ARAP2: variants seen among roughly 807,000 people sequenced by gnomAD.
ARAP2 encodes ArfGAP with RhoGAP domain, ankyrin repeat and PH domain 2, also known as arf-GAP with Rho-GAP domain, ANK repeat and PH domain-containing protein 2.
Under a neutral mutation model 194.5 loss-of-function variants are expected in ARAP2, and 148 were observed. That is an observed-to-expected ratio of 0.76 (90% CI 0.67 to 0.87). ARAP2 has a LOEUF of 0.87. ARAP2 is among the 40% of genes least tolerant of loss of function. ARAP2 has a pLI of 0.00. For missense variants in ARAP2, 2,128 were observed against 1,989.7 expected, an observed-to-expected ratio of 1.07 and a Z score of -1.32; for synonymous variants, 695 against 683.5, an observed-to-expected ratio of 1.02 and a Z score of -0.26.
chr4:36,160,096 CCTT>C, intron 13 of ARAP2: 1 of 994,070 alleles, frequency 1.0e-6, no homozygotes, highest in Non-Finnish European at 1.2e-6. Flanking sequence ...CTGTTAGAAT[CCTT>C]TTTTTTTCTT....
chr4:36,110,600 T>C (rs1239737423), intron 26 of ARAP2, among the ~76,000 whole-genome samples: 3 of 151,910 alleles, frequency 2.0e-5, no homozygotes, highest in Admixed American at 1.3e-4. Flanking sequence ...CTGGCTCTTA[T>C]GGAAGAGAAT....
rs558904812 is a variant in ARAP2, at chr4:36,179,004, G to T, written c.1679-999C>A. Among the ~76,000 whole-genome samples the T allele has an allele frequency of 3.9e-5, 6 of 152,212 alleles. No individual in the cohort carries two copies. In the South Asian group the frequency reaches 1.2e-3, roughly 32 times the overall value. On this transcript the variant is annotated intron_variant, in intron 8 of 32. Coordinates refer to ENST00000303965, the MANE Select transcript of ARAP2 (RefSeq NM_015230.4). ...GCAGAAAAACCAACATCCATTCAGG[G>T]ATTAATTTATCAATGAATACATTTA... is the stretch of plus-strand genomic sequence containing the variant.
In ARAP2 at chr4:36,148,409, G is replaced by A. The variant is rs1204638356; in HGVS notation, c.2996C>T (p.Ala999Val). ...AGTAACATAATATTTAAATACCTTG[G>A]CTATTGCCTCTGTCCATTTTCTTTG... ...QAQRKWTEAI[A>V]KHFVPLFAEN... is the part of the protein sequence containing the mutation. Residue 999 changes from alanine (A) to valine (V), a missense_variant, in exon 17 of 33, where the codon GCC becomes GTC. Ala to Val is a moderately conservative substitution (Grantham distance 64, BLOSUM62 0). Coordinates refer to ENST00000303965, the MANE Select transcript of ARAP2 (RefSeq NM_015230.4). The A allele has an allele frequency of 8.1e-6, 13 of 1,610,332 alleles. No homozygotes were observed. Among genetic ancestry groups the A allele is most frequent in the Non-Finnish European group, 1.0e-5 (12 of 1,177,352 alleles).
chr4:36,006,028 C>T (rs1304973931), intron 10 of ARAP2: 1 of 152,164 alleles, frequency 6.6e-6, no homozygotes, highest in East Asian at 1.9e-4. Flanking sequence ...TAGAGTGTGC[C>T]AGGGAGTTTG....
intron 5 of ARAP2, among the ~76,000 whole-genome samples, chr4:36,029,557 A>C (rs1204982084): frequency 4.6e-5 from 7 of 152,046 alleles, no homozygotes; most frequent in African/African-American, 1.7e-4. Context: ...GTTGGAAGGC[A>C]ATGTAAAATG....
chr4:36,190,817 T>C (rs1741708874), intron 7 of ARAP2, among the ~76,000 whole-genome samples: 1 of 152,168 alleles, frequency 6.6e-6, no homozygotes, highest in South Asian at 2.1e-4. Flanking sequence ...AAAGACATGC[T>C]CCAGTTTCCC....
intron 22 of ARAP2, among the ~76,000 whole-genome samples, chr4:36,123,770 C>G (rs1723236269): frequency 6.6e-6 from 1 of 151,828 alleles, no homozygotes; most frequent in Non-Finnish European, 1.5e-5. Context: ...TTTTGCATGA[C>G]CTACAAAGCC....
rs150997923 is a variant in ARAP2 at position 36,232,662 on chromosome 4, T to C, written c.-159-3017A>G. 3.0e-4 allele frequency among the ~76,000 whole-genome samples: 46 copies of C among 152,352 alleles called. 1 individual carries two copies. Among genetic ancestry groups the C allele is most frequent in the Admixed American group, 9.8e-4 (15 of 15,306 alleles). ...TTTGCATACACTCTATCTGCTTTCT[T>C]AAGCACCATTCAAAATTATAAACAG... is the stretch of plus-strand genomic sequence containing the variant. On this transcript the variant is annotated intron_variant, in intron 1 of 32. Transcript: ENST00000303965.
chr4:36,057,330 C>T (rs1723687415), intron 2 of ARAP2, among the ~76,000 whole-genome samples: 2 of 150,964 alleles, frequency 1.3e-5, no homozygotes, highest in South Asian at 4.2e-4. Flanking sequence ...TGTTTTATTA[C>T]AATGTAATTT....
chr4:36,020,307 A>C (rs1716687613), intron 5 of ARAP2, among the ~76,000 whole-genome samples: 1 of 152,202 alleles, frequency 6.6e-6, no homozygotes. Context: ...GCTACTCAGG[A>C]GGCTGAGGCA....
intron 5 of ARAP2, among the ~76,000 whole-genome samples, chr4:36,033,968 C>A (rs1009051371): frequency 6.6e-5 from 10 of 151,842 alleles, no homozygotes; most frequent in Non-Finnish European, 1.3e-4. Flanking sequence ...AGGTGTTCAG[C>A]CTATTTCTGG....
intron 7 of ARAP2, among the ~76,000 whole-genome samples, chr4:36,191,814 T>C (rs950958532): frequency 5.3e-5 from 8 of 151,884 alleles, no homozygotes; most frequent in African/African-American, 1.9e-4. Flanking sequence ...TGGGTGAAAA[T>C]GGGGGTGAGT....
intron 8 of ARAP2, among the ~76,000 whole-genome samples, chr4:36,180,727 A>G (rs1739039588): frequency 6.6e-6 from 1 of 152,232 alleles, no homozygotes; most frequent in Non-Finnish European, 1.5e-5. Context: ...TTACTTTAAA[A>G]CTGGCAATTG....
intron 25 of ARAP2, 143 bp from the exon 26 acceptor site, chr4:36,114,430 T>G: frequency 1.7e-6 from 1 of 578,878 alleles, no homozygotes; most frequent in South Asian, 2.3e-5. Flanking sequence ...CCTAATCCCA[T>G]ACAGAAAACA....
intron 14 of ARAP2, 81 bp from the exon 15 acceptor site, chr4:36,158,945 T>C (rs1733261122): frequency 7.9e-7 from 1 of 1,269,694 alleles, no homozygotes; most frequent in Non-Finnish European, 1.1e-6. Context: ...TACATGAGTT[T>C]TGAGCTAGAA....
rs1167526752 is a variant in ARAP2 at position 36,177,967 on chromosome 4, G to A, written c.1717C>T (p.Leu573=). 4.3e-6 allele frequency: 7 copies of A among 1,612,284 alleles called. No individual in the cohort carries two copies. Among genetic ancestry groups the A allele is most frequent in the Non-Finnish European group, 5.9e-6 (7 of 1,179,276 alleles). Residue 573 remains leucine, a synonymous_variant, in exon 9 of 33, where the codon CTG becomes TTG. Transcript: ENST00000303965. ...NDWISILLNA[L]KSQSLTSQSQ... The stretch of plus-strand genomic sequence containing the variant: ...TGCGAGGTAAGGGATTGTGATTTCA[G>A]TGCATTTAATAGTATGCTGATCCAG...
chr4:36,043,848 G>GAAGGCAAGGGAACGGAAGGGA, intron 5 of ARAP2, among the ~76,000 whole-genome samples: 4 of 52,608 alleles, frequency 7.6e-5, no homozygotes, highest in African/African-American at 1.3e-4. Context: ...GGGGAGGGGG[G>GAAGGCAAGGGAACGGAAGGGA]AGGGGAGGGG....
At chr4:36,200,614 A>G (rs1365353615) in intron 6 of ARAP2, among the ~76,000 whole-genome samples, 1 of 152,196 alleles carries the variant, frequency 6.6e-6, no homozygotes. Context: ...TTACAAATTA[A>G]TCAAAATTTC....
intron 19 of ARAP2, among the ~76,000 whole-genome samples, chr4:36,139,357 C>T (rs535350745): frequency 6.6e-6 from 1 of 151,496 alleles, no homozygotes; most frequent in Non-Finnish European, 1.5e-5. Context: ...TAAACTGATG[C>T]ACAGTTTTAT....
Sources: gnomAD v4.1 joint callset for allele counts (sites outside exome capture counted in the v4.1 genomes callset) on GRCh38, gnomAD v4.1.1 for gene constraint, MANE v1.5 for transcripts, NCBI Gene and HGNC (gene_info 2026-07-23, HGNC 2026-07-21) for gene names.